PEX7: variants seen among roughly 807,000 people sequenced by gnomAD.
PEX7 encodes PTS2 receptor.
A neutral mutation model predicts 47.5 loss-of-function variants in PEX7; 34 were observed. That is an observed-to-expected ratio of 0.72 (90% CI 0.54 to 0.95). The LOEUF is 0.95. Among genes scored for constraint, PEX7 ranks in the 40% least tolerant of loss-of-function variants. The pLI is 0.00. For synonymous variants in PEX7, 141 were observed against 148.8 expected, an observed-to-expected ratio of 0.95 and a Z score of 0.38; for missense variants, 394 against 400.3, an observed-to-expected ratio of 0.98 and a Z score of 0.13.
intron 3 of PEX7, among the ~76,000 whole-genome samples, chr6:136,845,292 G>C (rs1774575557): frequency 6.6e-6 from 1 of 152,138 alleles, no homozygotes; most frequent in Non-Finnish European, 1.5e-5. Context: ...AATCTGCTTT[G>C]ACATTTCTTC....
rs1184131500 is a variant in PEX7 at position 136,913,522 on chromosome 6, C to A, written c.968C>A (p.Ala323Asp). The A allele has an allele frequency of 1.2e-6, 2 of 1,603,940 alleles. No individual in the cohort carries two copies. Among genetic ancestry groups the A allele is most frequent in the Non-Finnish European group, 1.7e-6 (2 of 1,171,158 alleles). ...GACCCTGCTTGTCTTACTATTCCTG[C>A]TTGAGATACACTACTTTGGTCAGAA... ...IYDPACLTIPA is the reference protein window; with the variant it reads ...IYDPACLTIPD Residue 323 changes from alanine to aspartate, a missense_variant, in exon 10 of 10, where the codon GCT becomes GAT. Ala to Asp is a moderately radical substitution (Grantham distance 126). Transcript: ENST00000318471.
At position 136,837,361 on chromosome 6, in the gene PEX7, C is replaced by CAAAAAAAAA. The variant is rs58922622; in HGVS notation, c.340-8248_340-8240dup. Among the ~76,000 whole-genome samples, 389 of 83,428 alleles carry CAAAAAAAAA rather than the reference C, an allele frequency of 4.7e-3. 22 individuals are homozygous for CAAAAAAAAA. Among genetic ancestry groups the CAAAAAAAAA allele is most frequent in the African/African-American group, 0.017 (359 of 21,214 alleles). 54.7% of individuals were successfully genotyped at this position (83,428 alleles called of 152,430 possible). A position where few individuals can be genotyped will look rare whatever the true frequency, so the allele number is the denominator to read the frequency against. On this transcript the variant is annotated intron_variant, in intron 3 of 9. Coordinates refer to ENST00000318471, the MANE Select transcript of PEX7 (RefSeq NM_000288.4). The stretch of plus-strand genomic sequence containing the variant: ...TGGGCGACAGAGTGAGAGTCTGTCA[C>CAAAAAAAAA]AAAAAAAAAAAAAAGAAACTGAAAG...
chr6:136,844,458 T>C (rs1774559340), intron 3 of PEX7, among the ~76,000 whole-genome samples: 1 of 152,182 alleles, frequency 6.6e-6, no homozygotes, highest in African/African-American at 2.4e-5. Flanking sequence ...GTCAAGCTAA[T>C]TAACATATCC....
At chr6:136,895,264 A>T (rs1240972406) in intron 8 of PEX7, among the ~76,000 whole-genome samples, 2 of 152,210 alleles carry the variant, frequency 1.3e-5, no homozygotes, top group Non-Finnish European at 2.9e-5. Context: ...TTTTGTTATT[A>T]AAAAGCCATT....
At chr6:136,826,719 C>G (rs1005713424) in intron 3 of PEX7, among the ~76,000 whole-genome samples, 2 of 152,098 alleles carry the variant, frequency 1.3e-5, no homozygotes, top group African/African-American at 4.8e-5. Flanking sequence ...GCAGTGTACT[C>G]TGGCACCATT....
rs148484942 is a variant in PEX7, at chr6:136,846,388, A to G, written c.526+207A>G. Among the ~76,000 whole-genome samples, 1,288 of 152,184 alleles carry G rather than the reference A, an allele frequency of 8.5e-3. 9 individuals are homozygous for G. The highest frequency in any genetic ancestry group is 0.012 in the Non-Finnish European group (821 of 67,996). On this transcript the variant is annotated intron_variant, in intron 5 of 9. Coordinates refer to ENST00000318471, the MANE Select transcript of PEX7 (RefSeq NM_000288.4). ...TTAAGTTCTAGGGTACATGTGCACAACGTGCGGGTTTGTTACATGTGTGTG... is the reference window on the plus strand; with the variant it reads ...TTAAGTTCTAGGGTACATGTGCACAGCGTGCGGGTTTGTTACATGTGTGTG...
At chr6:136,899,080 C>CTTTTTTTTTT (rs71547049) in intron 9 of PEX7, among the ~76,000 whole-genome samples, 8 of 111,976 alleles carry the variant, frequency 7.1e-5, no homozygotes, top group Non-Finnish European at 1.2e-4. Flanking sequence ...TTTTTCTTTT[C>CTTTTTTTTTT]TTTTTTTTTT....
Position 136,830,693 on chromosome 6 carries a change from T to G in PEX7, c.339+4224T>G, listed in dbSNP as rs112551942. Among the ~76,000 whole-genome samples, 806 of 152,312 alleles carry G rather than the reference T, an allele frequency of 5.3e-3. 7 individuals are homozygous for G. Among genetic ancestry groups the G allele is most frequent in the African/African-American group, 0.018 (765 of 41,570 alleles). ...GAATTGACAATTTTATTTCACTGCTTTCTGACTTAAAACACTGTGCTACTG... is the reference window on the plus strand; with the variant it reads ...GAATTGACAATTTTATTTCACTGCTGTCTGACTTAAAACACTGTGCTACTG... On this transcript the variant is annotated intron_variant, in intron 3 of 9. Coordinates refer to ENST00000318471, the MANE Select transcript of PEX7 (RefSeq NM_000288.4).
At position 136,869,745 on chromosome 6, in the gene PEX7, A is replaced by G. The variant is rs1775140711; in HGVS notation, c.634-145A>G. The stretch of plus-strand genomic sequence containing the variant: ...TTAATGTCTATGTTGATTCCTGTCT[A>G]TACTTGTTATACAACTTCTCAAAAA... On this transcript the variant is annotated intron_variant, in intron 6 of 9. Transcript: ENST00000318471. The G allele has an allele frequency of 6.6e-6, 5 of 761,126 alleles. No individual in the cohort carries two copies. In the East Asian group the frequency reaches 7.5e-5, roughly 11 times the overall value. 47.1% of individuals were successfully genotyped at this position (761,126 alleles called of 1,614,324 possible). A position where few individuals can be genotyped will look rare whatever the true frequency, so the allele number is the denominator to read the frequency against.
intron 4 of PEX7, 98 bp from the exon 5 acceptor site, chr6:136,845,975 A>G (rs1287075219): frequency 4.0e-6 from 3 of 747,110 alleles, no homozygotes; most frequent in East Asian, 2.7e-5. Flanking sequence ...TTGTATGCAT[A>G]TATATAAATG....
At chr6:136,853,383 G>T (rs1174366362) in intron 5 of PEX7, among the ~76,000 whole-genome samples, 2 of 152,202 alleles carry the variant, frequency 1.3e-5, no homozygotes, top group African/African-American at 2.4e-5. Flanking sequence ...ACATTAGCTA[G>T]AGGAGGAGGT....
intron 2 of PEX7, 105 bp from the exon 3 acceptor site, chr6:136,826,214 G>T: frequency 8.0e-7 from 1 of 1,254,858 alleles, no homozygotes. Context: ...GTGTTAAAAT[G>T]TGTGATAAAT....
At chr6:136,880,206 AAAAT>A (rs925424760) in intron 8 of PEX7, among the ~76,000 whole-genome samples, 35 of 152,180 alleles carry the variant, frequency 2.3e-4, no homozygotes, top group Admixed American at 1.9e-3. Flanking sequence ...TGTGTTTTTA[AAAAT>A]AAATAAAGAC....
intron 5 of PEX7, among the ~76,000 whole-genome samples, chr6:136,849,912 A>G (rs946921804): frequency 6.6e-6 from 1 of 151,942 alleles, no homozygotes; most frequent in East Asian, 1.9e-4. Context: ...TATCCTTGTT[A>G]ACTTTCTGTC....
At chr6:136,870,861 TA>T in intron 7 of PEX7, 1 of 248,828 alleles carries the variant, frequency 4.0e-6, no homozygotes, top group South Asian at 3.4e-5. Flanking sequence ...CATGCCCGGC[TA>T]ATTTTTTTGT....
chr6:136,855,976 C>T (rs1774855096), intron 5 of PEX7: 1 of 196,744 alleles, frequency 5.1e-6, no homozygotes, highest in South Asian at 7.9e-5. Flanking sequence ...CTGAGTCACA[C>T]ACCTCTTCTT....
intron 5 of PEX7, among the ~76,000 whole-genome samples, chr6:136,848,467 TATC>T (rs2115176279): frequency 6.6e-6 from 1 of 152,300 alleles, no homozygotes; most frequent in South Asian, 2.1e-4. Flanking sequence ...CAGTAAATAT[TATC>T]ATATTGGCTG....
At chr6:136,835,863 T>G (rs1220938338) in intron 3 of PEX7, among the ~76,000 whole-genome samples, 2 of 152,184 alleles carry the variant, frequency 1.3e-5, no homozygotes. Context: ...TTATCTAACC[T>G]CAAAGTTTCT....
chr6:136,890,111 C>A (rs1775529770), intron 8 of PEX7, among the ~76,000 whole-genome samples: 1 of 152,156 alleles, frequency 6.6e-6, no homozygotes, highest in Non-Finnish European at 1.5e-5. Flanking sequence ...AGTGTGGCAA[C>A]ACTAAATATT....
Sources: allele counts gnomAD v4.1 joint callset (sites outside exome capture counted in the v4.1 genomes callset), GRCh38; gene constraint gnomAD v4.1.1; transcripts MANE v1.5; gene names NCBI Gene and HGNC (gene_info 2026-07-23, HGNC 2026-07-21).